CPE: variants seen among roughly 807,000 people sequenced by gnomAD.
The protein encoded by CPE is carbocypeptidase E.
A neutral mutation model predicts 53.5 loss-of-function variants in CPE; 17 were observed. That is an observed-to-expected ratio of 0.32 (90% CI 0.22 to 0.48). CPE has a LOEUF of 0.48. Among genes scored for constraint, CPE ranks in the 20% least tolerant of loss-of-function variants. The probability of loss-of-function intolerance (pLI) is 0.99; values close to 1 mark genes in which losing one functional copy is unlikely to be tolerated. For missense variants in CPE, 524 were observed against 614.7 expected, an observed-to-expected ratio of 0.85 and a Z score of 1.56; for synonymous variants, 226 against 228.8, an observed-to-expected ratio of 0.99 and a Z score of 0.11.
intron 5 of CPE, among the ~76,000 whole-genome samples, chr4:165,485,103 A>T (rs1201029536): frequency 6.6e-6 from 1 of 152,124 alleles, no homozygotes; most frequent in Non-Finnish European, 1.5e-5. Context: ...AATCTCTATG[A>T]GATCAGGTAG....
intron 7 of CPE, among the ~76,000 whole-genome samples, chr4:165,494,103 G>C (rs1732658986): frequency 6.6e-6 from 1 of 151,736 alleles, no homozygotes; most frequent in African/African-American, 2.4e-5. Context: ...TTTAACATTT[G>C]TCCTCTAAAA....
intron 1 of CPE, among the ~76,000 whole-genome samples, chr4:165,420,806 TG>T (rs1731199110): frequency 6.6e-6 from 1 of 152,174 alleles, no homozygotes; most frequent in South Asian, 2.1e-4. Context: ...TTTAAGCATT[TG>T]GAATAATTAG....
chr4:165,491,925 G>A (rs939582531), intron 6 of CPE, among the ~76,000 whole-genome samples: 1 of 152,162 alleles, frequency 6.6e-6, no homozygotes, highest in Admixed American at 6.5e-5. Context: ...GCCCGATTGA[G>A]TGAGGCACAA....
At chr4:165,463,271 A>G (rs1732040036) in intron 1 of CPE, among the ~76,000 whole-genome samples, 1 of 152,226 alleles carries the variant, frequency 6.6e-6, no homozygotes, top group Admixed American at 6.5e-5. Context: ...TATGTATGGC[A>G]AGGAACTTCA....
At chr4:165,472,469 ATT>A (rs1394169245) in intron 3 of CPE, among the ~76,000 whole-genome samples, 1 of 152,244 alleles carries the variant, frequency 6.6e-6, no homozygotes, top group Non-Finnish European at 1.5e-5. Context: ...AACAGTTATA[ATT>A]ATTACTGACA....
intron 1 of CPE, among the ~76,000 whole-genome samples, chr4:165,437,103 C>G (rs1731516333): frequency 6.6e-6 from 1 of 152,166 alleles, no homozygotes; most frequent in African/African-American, 2.4e-5. Flanking sequence ...CTTTCTCAGA[C>G]AGGTCCTTCT....
At chr4:165,450,426 T>C (rs1731789159) in intron 1 of CPE, among the ~76,000 whole-genome samples, 1 of 152,096 alleles carries the variant, frequency 6.6e-6, no homozygotes, top group African/African-American at 2.4e-5. Context: ...ATGGATGAGA[T>C]TGAGTGGGAG....
intron 1 of CPE, among the ~76,000 whole-genome samples, chr4:165,447,475 G>A (rs149452908): frequency 2.1e-4 from 32 of 151,988 alleles, no homozygotes; most frequent in Non-Finnish European, 4.1e-4. Flanking sequence ...GGAGGCTGAG[G>A]CAGGAGAATC....
At chr4:165,440,609 T>C (rs561057097) in intron 1 of CPE, among the ~76,000 whole-genome samples, 1 of 152,294 alleles carries the variant, frequency 6.6e-6, no homozygotes, top group East Asian at 1.9e-4. Context: ...TCTTATCCAC[T>C]TTGTGGGATT....
chr4:165,449,452 T>C (rs1417878208), intron 1 of CPE, among the ~76,000 whole-genome samples: 2 of 152,198 alleles, frequency 1.3e-5, no homozygotes, highest in African/African-American at 4.8e-5. Flanking sequence ...TCCTTGTTGC[T>C]CTGTTGTCTG....
intron 1 of CPE, among the ~76,000 whole-genome samples, chr4:165,383,044 A>G (rs990373095): frequency 1.3e-5 from 2 of 152,212 alleles, no homozygotes; most frequent in Non-Finnish European, 2.9e-5. Flanking sequence ...GCCAATTTCA[A>G]TAAGCAGAAT....
intron 1 of CPE, among the ~76,000 whole-genome samples, chr4:165,381,723 G>A (rs899081099): frequency 1.3e-5 from 2 of 152,170 alleles, no homozygotes; most frequent in African/African-American, 2.4e-5. Context: ...AGATCTTCAG[G>A]AAACTAGTAA....
intron 3 of CPE, among the ~76,000 whole-genome samples, chr4:165,472,428 G>A (rs1259145979): frequency 2.7e-5 from 3 of 111,632 alleles, no homozygotes; most frequent in African/African-American, 5.4e-5. Context: ...AAGAAAATTT[G>A]TTATTTCTGT....
chr4:165,474,467 G>A (rs1338251852), intron 3 of CPE, among the ~76,000 whole-genome samples: 2 of 152,112 alleles, frequency 1.3e-5, no homozygotes, highest in Non-Finnish European at 2.9e-5. Flanking sequence ...GAAAAAAAAG[G>A]AAAAAGGAAA....
At chr4:165,407,135 G>C (rs1730966452) in intron 1 of CPE, among the ~76,000 whole-genome samples, 1 of 152,126 alleles carries the variant, frequency 6.6e-6, no homozygotes, top group East Asian at 1.9e-4. Flanking sequence ...TCATATTGCA[G>C]TTCTTTGTTT....
chr4:165,470,073 C>T (rs1389631857), intron 3 of CPE, among the ~76,000 whole-genome samples: 3 of 152,146 alleles, frequency 2.0e-5, no homozygotes, highest in African/African-American at 7.2e-5. Context: ...ATTCTTGCCT[C>T]CTCAGAAGAA....
At chr4:165,436,784 A>G (rs970265834) in intron 1 of CPE, among the ~76,000 whole-genome samples, 1 of 152,210 alleles carries the variant, frequency 6.6e-6, no homozygotes, top group African/African-American at 2.4e-5. Context: ...GACTGCAGGC[A>G]TGTGCCAATG....
intron 1 of CPE, among the ~76,000 whole-genome samples, chr4:165,438,319 G>A (rs1050435474): frequency 2.0e-5 from 3 of 152,094 alleles, no homozygotes; most frequent in Admixed American, 6.6e-5. Flanking sequence ...TTTGCAGCAC[G>A]GGGCTTTCCT....
At chr4:165,395,935 AC>A (rs1228055260) in intron 1 of CPE, among the ~76,000 whole-genome samples, 4 of 152,180 alleles carry the variant, frequency 2.6e-5, no homozygotes, top group African/African-American at 9.7e-5. Context: ...TCTTAAGTAA[AC>A]AAAAACTATT....
Sources: gnomAD v4.1 joint callset for allele counts (sites outside exome capture counted in the v4.1 genomes callset) on GRCh38, gnomAD v4.1.1 for gene constraint, MANE v1.5 for transcripts, NCBI Gene and HGNC (gene_info 2026-07-23, HGNC 2026-07-21) for gene names.